The following TACR3 variants were observed in gnomAD, a reference collection of about 807,000 sequenced individuals.
TACR3 encodes tachykinin receptor 3.
Under a neutral mutation model 35.0 loss-of-function variants are expected in TACR3, and 34 were observed. The observed-to-expected ratio is 0.97, with a 90% CI of 0.74 to 1.30. The LOEUF (loss-of-function observed/expected upper bound fraction) is 1.30. Ranked by LOEUF, TACR3 falls within the 50% of genes most tolerant of loss-of-function variation. The probability of loss-of-function intolerance (pLI) is 0.00; values close to 1 mark genes in which losing one functional copy is unlikely to be tolerated. For missense variants in TACR3, 558 were observed against 591.7 expected, an observed-to-expected ratio of 0.94 and a Z score of 0.59; for synonymous variants, 233 against 221.1, an observed-to-expected ratio of 1.05 and a Z score of -0.48.
chr4:103,656,748 C>G (rs1350439430), intron 2 of TACR3, among the ~76,000 whole-genome samples: 1 of 151,928 alleles, frequency 6.6e-6, no homozygotes, highest in African/African-American at 2.4e-5. Context: ...TATGTTTTCT[C>G]CTATATAGGA....
chr4:103,650,634 AATATATATT>A (rs1282283257), intron 3 of TACR3, among the ~76,000 whole-genome samples: 13,893 of 99,614 alleles, frequency 0.14, 1,475 homozygotes, highest in African/African-American at 0.15. Flanking sequence ...ATAAATATAT[AATATATATT>A]TAATATATAT....
At chr4:103,655,138 T>C (rs1725705235) in intron 3 of TACR3, among the ~76,000 whole-genome samples, 1 of 152,220 alleles carries the variant, frequency 6.6e-6, no homozygotes, top group Non-Finnish European at 1.5e-5. Context: ...CTAGAAATCA[T>C]GGTAAATGTT....
intron 1 of TACR3, among the ~76,000 whole-genome samples, chr4:103,678,868 C>T (rs1726229494): frequency 1.3e-5 from 2 of 150,570 alleles, no homozygotes; most frequent in East Asian, 3.9e-4. Flanking sequence ...ATAATCTTTT[C>T]TCTTTGAGGG....
chr4:103,700,153 T>C (rs1722618007), intron 1 of TACR3, among the ~76,000 whole-genome samples: 1 of 152,182 alleles, frequency 6.6e-6, no homozygotes, highest in Non-Finnish European at 1.5e-5. Flanking sequence ...AACTCCTGAT[T>C]TGTAGTGTTT....
At chr4:103,693,846 A>C (rs971207195) in intron 1 of TACR3, among the ~76,000 whole-genome samples, 2 of 151,968 alleles carry the variant, frequency 1.3e-5, no homozygotes, top group Non-Finnish European at 2.9e-5. Context: ...TAATGATAAT[A>C]TTTTTGTTTT....
chr4:103,709,500 A>G (rs1722886265), intron 1 of TACR3, among the ~76,000 whole-genome samples: 1 of 152,218 alleles, frequency 6.6e-6, no homozygotes, highest in African/African-American at 2.4e-5. Context: ...AGAGCTCCTG[A>G]AGGAAGCACT....
At chr4:103,681,373 T>C (rs1247644817) in intron 1 of TACR3, among the ~76,000 whole-genome samples, 1 of 152,070 alleles carries the variant, frequency 6.6e-6, no homozygotes, top group Non-Finnish European at 1.5e-5. Flanking sequence ...TCTTGTTTTG[T>C]CATAACATCT....
chr4:103,591,924 C>T (rs1373625820), intron 3 of TACR3, among the ~76,000 whole-genome samples: 1 of 152,100 alleles, frequency 6.6e-6, no homozygotes, highest in Admixed American at 6.6e-5. Context: ...AACTCAAACA[C>T]GGACAAATAT....
At chr4:103,689,213 G>A (rs57226453) in intron 1 of TACR3, among the ~76,000 whole-genome samples, 3,509 of 132,328 alleles carry the variant, frequency 0.027, 149 homozygotes, top group African/African-American at 0.095. Context: ...GAACACATGG[G>A]CACAGGAAGG....
chr4:103,628,323 C>T (rs572629686), intron 3 of TACR3, among the ~76,000 whole-genome samples: 1 of 152,062 alleles, frequency 6.6e-6, no homozygotes, highest in South Asian at 2.1e-4. Flanking sequence ...GATAGAGACA[C>T]AAAAAACCCT....
At chr4:103,709,203 G>A (rs140692150) in intron 1 of TACR3, among the ~76,000 whole-genome samples, 3,080 of 152,180 alleles carry the variant, frequency 0.02, 105 homozygotes, top group African/African-American at 0.071. Flanking sequence ...ACGCATAATC[G>A]TCAGATTCAC....
chr4:103,589,929 T>G lies in TACR3; in HGVS notation c.1151A>C (p.Glu384Ala), dbSNP rs748442670. Residue 384 changes from glutamate (E) to alanine (A), a missense_variant, in exon 5 of 5, where the codon GAG (glutamate) becomes GCG (alanine). Physicochemically the swap from Glu to Ala is moderately radical, Grantham distance 107. Coordinates refer to ENST00000304883, the MANE Select transcript of TACR3 (RefSeq NM_001059.3). ...AAACCTGGTGGTCTTGAGCTCTAGCTCATCATAGCTGGAAACTTTGATGAA... is the reference window on the plus strand; with the variant it reads ...AAACCTGGTGGTCTTGAGCTCTAGCGCATCATAGCTGGAAACTTTGATGAA... Reference protein sequence around the residue: ...CPFIKVSSYDELELKTTRFHP... With the variant: ...CPFIKVSSYDALELKTTRFHP... The G allele has an allele frequency of 6.2e-7, 1 of 1,613,980 alleles. No homozygotes were observed. The highest frequency in any genetic ancestry group is 8.5e-7 in the Non-Finnish European group (1 of 1,179,890).
At chr4:103,709,030 T>C (rs181133565) in intron 1 of TACR3, among the ~76,000 whole-genome samples, 8 of 152,300 alleles carry the variant, frequency 5.3e-5, no homozygotes, top group African/African-American at 1.9e-4. Flanking sequence ...CTACCTCTGA[T>C]TGGTGTACCT....
At chr4:103,687,375 T>C (rs571933571) in intron 1 of TACR3, among the ~76,000 whole-genome samples, 5 of 152,146 alleles carry the variant, frequency 3.3e-5, no homozygotes, top group South Asian at 4.2e-4. Flanking sequence ...CTATTCAACA[T>C]AGTGTTGGAA....
chr4:103,707,739 G>T (rs114123264), intron 1 of TACR3, among the ~76,000 whole-genome samples: 17,698 of 152,048 alleles, frequency 0.12, 1,338 homozygotes, highest in East Asian at 0.37. Flanking sequence ...GGTCAGGGAA[G>T]TCCCTTTCCT....
At chr4:103,592,306 T>G (rs1300352877) in intron 3 of TACR3, among the ~76,000 whole-genome samples, 1 of 152,244 alleles carries the variant, frequency 6.6e-6, no homozygotes, top group African/African-American at 2.4e-5. Context: ...ACTTGAGATT[T>G]GCAAATAGAT....
rs1047915080 is a variant in TACR3, at chr4:103,658,947, G to A, written c.549-544C>T. The stretch of plus-strand genomic sequence containing the variant: ...GAGCTTGTTTTCCTGCAACTAGACG[G>A]TCCCATCTGGGGTTGATGGGAGACA... On this transcript the variant is annotated intron_variant, in intron 1 of 4. Coordinates refer to ENST00000304883, the MANE Select transcript of TACR3 (RefSeq NM_001059.3). Among the ~76,000 whole-genome samples the A allele has an allele frequency of 1.4e-4, 22 of 152,096 alleles. 1 individual carries two copies. Among genetic ancestry groups the A allele is most frequent in the Middle Eastern group, 3.2e-3 (1 of 316 alleles).
At chr4:103,704,898 G>T (rs76065442) in intron 1 of TACR3, among the ~76,000 whole-genome samples, 1 of 152,022 alleles carries the variant, frequency 6.6e-6, no homozygotes, top group Non-Finnish European at 1.5e-5. Flanking sequence ...TCATGTTAAC[G>T]TTACCATATT....
At chr4:103,709,140 C>A (rs1347837879) in intron 1 of TACR3, among the ~76,000 whole-genome samples, 1 of 152,064 alleles carries the variant, frequency 6.6e-6, no homozygotes, top group East Asian at 1.9e-4. Flanking sequence ...CATTCAAATT[C>A]AGGAAATACA....
Sources: gnomAD v4.1 joint callset for allele counts (sites outside exome capture counted in the v4.1 genomes callset) on GRCh38, gnomAD v4.1.1 for gene constraint, MANE v1.5 for transcripts, NCBI Gene and HGNC (gene_info 2026-07-23, HGNC 2026-07-21) for gene names.